The following FILIP1 variants were observed in gnomAD, a reference collection of about 807,000 sequenced individuals.
FILIP1 encodes the protein filamin-A-interacting protein 1.
Under a neutral mutation model 102.1 loss-of-function variants are expected in FILIP1, and 61 were observed. The ratio of observed to expected loss-of-function variants is 0.60; its 90% confidence interval spans 0.49 to 0.74. The LOEUF (loss-of-function observed/expected upper bound fraction) is 0.74, where lower values mean the gene tolerates loss of function less well. FILIP1 is among the 30% of genes least tolerant of loss of function. The pLI is 0.00. For synonymous variants in FILIP1, 491 were observed against 526.9 expected, an observed-to-expected ratio of 0.93 and a Z score of 0.93; for missense variants, 1,314 against 1,441.2, an observed-to-expected ratio of 0.91 and a Z score of 1.43.
intron 2 of FILIP1, among the ~76,000 whole-genome samples, chr6:75,375,651 G>A (rs980331205): frequency 1.3e-5 from 2 of 152,204 alleles, no homozygotes; most frequent in Non-Finnish European, 1.5e-5. Context: ...AGACTGGTGA[G>A]GGCTGGAGAT....
chr6:75,337,694 C>G (rs1281087091), intron 4 of FILIP1, among the ~76,000 whole-genome samples: 2 of 152,142 alleles, frequency 1.3e-5, no homozygotes, highest in Admixed American at 1.3e-4. Flanking sequence ...TTCCAGGATT[C>G]CACCTTGGAA....
intron 6 of FILIP1, chr6:75,296,478 A>ATGT: frequency 1.3e-5 from 1 of 77,254 alleles, no homozygotes; most frequent in East Asian, 3.0e-4. Flanking sequence ...CTATATGTTT[A>ATGT]TTATTATTAT....
chr6:75,398,841 G>A (rs964479933), intron 2 of FILIP1: 46 of 98,426 alleles, frequency 4.7e-4, no homozygotes, highest in African/African-American at 1.5e-3. Flanking sequence ...AACTTAAAGC[G>A]AAATTTATCT....
intron 1 of FILIP1, among the ~76,000 whole-genome samples, chr6:75,446,484 A>G (rs1354671186): frequency 1.3e-5 from 2 of 152,170 alleles, no homozygotes; most frequent in Non-Finnish European, 2.9e-5. Context: ...CACAGAGAAG[A>G]CTGTAGCTCT....
intron 1 of FILIP1, among the ~76,000 whole-genome samples, chr6:75,455,579 T>C (rs1490678961): frequency 6.6e-6 from 1 of 152,176 alleles, no homozygotes; most frequent in African/African-American, 2.4e-5. Context: ...AGGTGATTGC[T>C]ATTACTATTC....
chr6:75,415,120 G>A (rs1777217982), intron 1 of FILIP1, 142 bp from the exon 2 acceptor site: 2 of 795,354 alleles, frequency 2.5e-6, no homozygotes, highest in Non-Finnish European at 3.9e-6. Flanking sequence ...AAATTTTCAG[G>A]AAACCCCTTT....
chr6:75,313,934 G>GTTAGTTCCTTA lies in FILIP1; in HGVS notation c.1887_1897dup (p.Thr633IlefsTer4), dbSNP rs1015135928. 1.9e-6 allele frequency: 3 copies of GTTAGTTCCTTA among 1,612,538 alleles called. No individual in the cohort carries two copies. Among genetic ancestry groups the GTTAGTTCCTTA allele is most frequent in the Non-Finnish European group, 2.5e-6 (3 of 1,179,506 alleles). ...TTTCTTCAGTCTCTCAATTTCAAGTGTTAGTTCCTTAATCTTATTATCTTC... is the reference window on the plus strand; with the variant it reads ...TTTCTTCAGTCTCTCAATTTCAAGTGTTAGTTCCTTATTAGTTCCTTAATCTTATTATCTTC... On this transcript the variant is annotated stop_gained and frameshift_variant, in exon 5 of 6. Transcript: ENST00000237172. LOFTEE classifies it high-confidence loss of function. This position sits in a 1 kb window ranked among gnomAD's most constrained non-coding sequence, Gnocchi z 4.2.
Position 75,352,965 on chromosome 6 carries a change from G to A in FILIP1, c.629+574C>T, listed in dbSNP as rs1443489536. Among the ~76,000 whole-genome samples the A allele has an allele frequency of 2.7e-5, 4 of 147,988 alleles. No individual in the cohort carries two copies. The East Asian group carries it at 8.3e-4, about 31-fold the overall frequency. On this transcript the variant is annotated intron_variant, in intron 4 of 5. Coordinates refer to ENST00000237172, the MANE Select transcript of FILIP1 (RefSeq NM_015687.5). ...ATTGCTTTCTATTTGAAGCAATCTA[G>A]TTTTTCTCTTTGGAGAGGAAATCTG...
intron 5 of FILIP1, among the ~76,000 whole-genome samples, chr6:75,309,207 C>T (rs370299027): frequency 6.6e-6 from 1 of 152,134 alleles, no homozygotes; most frequent in Non-Finnish European, 1.5e-5. Flanking sequence ...GACCACCAGG[C>T]AAAAACTCAG....
chr6:75,406,844 G>A (rs989074736), intron 2 of FILIP1, among the ~76,000 whole-genome samples: 1 of 151,900 alleles, frequency 6.6e-6, no homozygotes, highest in Non-Finnish European at 1.5e-5. Context: ...ATTTTTAGTA[G>A]AGACAGGGTT....
At chr6:75,329,694 C>T (rs1463354684) in intron 4 of FILIP1, among the ~76,000 whole-genome samples, 3 of 152,112 alleles carry the variant, frequency 2.0e-5, no homozygotes, top group Non-Finnish European at 4.4e-5. Context: ...CAGTATAGAG[C>T]TAAGCACCTT....
chr6:75,487,714 T>C (rs1779834334), intron 1 of FILIP1, among the ~76,000 whole-genome samples: 1 of 152,094 alleles, frequency 6.6e-6, no homozygotes, highest in Non-Finnish European at 1.5e-5. Flanking sequence ...TTTTAAAGAA[T>C]GCATTTGGCC....
intron 4 of FILIP1, among the ~76,000 whole-genome samples, chr6:75,342,494 CT>C (rs1774446687): frequency 6.6e-6 from 1 of 152,180 alleles, no homozygotes; most frequent in Non-Finnish European, 1.5e-5. Flanking sequence ...GTAACAGAAA[CT>C]TCATCTTAGT....
chr6:75,327,066 A>T (rs1773889079), intron 4 of FILIP1, among the ~76,000 whole-genome samples: 1 of 152,108 alleles, frequency 6.6e-6, no homozygotes, highest in Non-Finnish European at 1.5e-5. Flanking sequence ...CTGTGAGCCC[A>T]CTGAGCTGTT....
intron 1 of FILIP1, chr6:75,473,848 C>T (rs969813609): frequency 2.6e-5 from 4 of 152,116 alleles, no homozygotes; most frequent in Non-Finnish European, 4.4e-5. Flanking sequence ...GGATGAGCCT[C>T]GCCCTGGGAA....
At chr6:75,438,035 C>T (rs1778082704) in intron 1 of FILIP1, among the ~76,000 whole-genome samples, 1 of 152,208 alleles carries the variant, frequency 6.6e-6, no homozygotes, top group Admixed American at 6.5e-5. Context: ...GTAACAACTC[C>T]TGCATTATCT....
intron 1 of FILIP1, among the ~76,000 whole-genome samples, chr6:75,424,647 T>C (rs1318150315): frequency 6.6e-6 from 1 of 152,292 alleles, no homozygotes; most frequent in South Asian, 2.1e-4. Context: ...CAAAATTTCC[T>C]GATAGAAAAA....
intron 2 of FILIP1, among the ~76,000 whole-genome samples, chr6:75,403,137 T>C (rs1009069795): frequency 6.6e-6 from 1 of 152,158 alleles, no homozygotes; most frequent in Non-Finnish European, 1.5e-5. Flanking sequence ...TAGGATTTCA[T>C]GGCAGGAGAA....
intron 2 of FILIP1, among the ~76,000 whole-genome samples, chr6:75,382,175 A>G (rs1238797587): frequency 2.0e-5 from 3 of 152,168 alleles, no homozygotes; most frequent in African/African-American, 7.2e-5. Context: ...TCTTTTTTCA[A>G]TAGCTTCCTT....
Sources: gnomAD v4.1 joint callset for allele counts (sites outside exome capture counted in the v4.1 genomes callset) on GRCh38, gnomAD v4.1.1 for gene constraint, Gnocchi (gnomAD v3.1) non-coding constraint, MANE v1.5 for transcripts, NCBI Gene and HGNC (gene_info 2026-07-23, HGNC 2026-07-21) for gene names.